C7orf57: variants seen among roughly 807,000 people sequenced by gnomAD.
The protein encoded by C7orf57 is chromosome 7 open reading frame 57.
Under a neutral mutation model 39.0 loss-of-function variants are expected in C7orf57, and 33 were observed. The observed-to-expected ratio is 0.85, with a 90% CI of 0.64 to 1.13. C7orf57 has a LOEUF of 1.13. Ranked by LOEUF, C7orf57 falls within the 50% of genes most tolerant of loss-of-function variation. C7orf57 has a pLI of 0.00. For missense variants in C7orf57, 346 were observed against 362.3 expected (o/e 0.95, Z 0.37); for synonymous variants, 124 against 137.1 (o/e 0.90, Z 0.67).
chr7:48,052,636 T>C, intron 6 of C7orf57, 64 bp from the exon 7 acceptor site: 1 of 1,405,950 alleles, frequency 7.1e-7, no homozygotes, highest in Non-Finnish European at 1.0e-6. Context: ...GTTCACGGAA[T>C]ACTGCTTCTG....
Position 48,043,247 on chromosome 7 carries a change from G to A in C7orf57, c.242-234G>A, listed in dbSNP as rs906025663. Among the ~76,000 whole-genome samples the A allele has an allele frequency of 2.6e-5, 4 of 152,256 alleles. No homozygotes were observed. The East Asian group carries it at 7.7e-4, about 29-fold the overall frequency. On this transcript the variant is annotated intron_variant, in intron 3 of 8. Coordinates refer to ENST00000348904, the MANE Select transcript of C7orf57 (RefSeq NM_001100159.3). ...AGCTCTGTCCAGATCTGCAAAGAGT[G>A]AGATGTGGGGAGGCATACAGGATGT...
At chr7:48,036,490 T>C (rs955622684) in intron 2 of C7orf57, 127 bp downstream of exon 2, 1 of 838,124 alleles carries the variant, frequency 1.2e-6, no homozygotes, top group South Asian at 1.9e-5. Flanking sequence ...GAGGACCAAG[T>C]GATAAAACTA....
chr7:48,058,441 G>A (rs1412963262), intron 8 of C7orf57, among the ~76,000 whole-genome samples: 1 of 151,616 alleles, frequency 6.6e-6, no homozygotes, highest in African/African-American at 2.4e-5. Context: ...TGGATTGTAT[G>A]ATTCTAGGAA....
In C7orf57 at chr7:48,035,755, C is replaced by G; in HGVS notation, c.-102+125C>G. ...TGGAGGGAGGGGACCACCTTGTCGC[C>G]GGGTTGGGATGAGCACAGGGCGGGA... On this transcript the variant is annotated intron_variant, in intron 1 of 8. Transcript: ENST00000348904. This position sits in a 1 kb window ranked among gnomAD's most constrained non-coding sequence, Gnocchi z 4.0. 5.2e-6 allele frequency: 3 copies of G among 582,318 alleles called. No homozygotes were observed. Among genetic ancestry groups the G allele is most frequent in the Non-Finnish European group, 6.1e-6 (2 of 329,094 alleles). 36.1% of individuals were successfully genotyped at this position (582,318 alleles called of 1,614,324 possible). A position where few individuals can be genotyped will look rare whatever the true frequency, so the allele number is the denominator to read the frequency against.
rs1005192167 is a variant in C7orf57 at position 48,043,312 on chromosome 7, T to C, written c.242-169T>C. 2.0e-5 allele frequency among the ~76,000 whole-genome samples: 3 copies of C among 152,204 alleles called. No homozygotes were observed. The South Asian group carries it at 6.2e-4, about 32-fold the overall frequency. On this transcript the variant is annotated intron_variant, in intron 3 of 8. Coordinates refer to ENST00000348904, the MANE Select transcript of C7orf57 (RefSeq NM_001100159.3). ...AAAGCAGGACGCCCACCTGTCAGCC[T>C]GTGCACAGACAGGTGAGGATCAGGG...
intron 4 of C7orf57, 117 bp from the exon 5 acceptor site, chr7:48,046,332 GAGACAGTGAGA>G: frequency 1.3e-6 from 1 of 782,024 alleles, no homozygotes; most frequent in East Asian, 2.8e-5. Context: ...GGAAAGGAGG[GAGACAGTGAGA>G]GAAGGAGGGA....
intron 8 of C7orf57, among the ~76,000 whole-genome samples, chr7:48,058,351 G>T (rs1056814893): frequency 6.8e-6 from 1 of 147,516 alleles, no homozygotes; most frequent in African/African-American, 2.5e-5. Context: ...TGGGAGAGTT[G>T]TTTTTTTTTT....
intron 2 of C7orf57, among the ~76,000 whole-genome samples, chr7:48,040,993 T>C (rs904059878): frequency 3.3e-5 from 5 of 152,206 alleles, no homozygotes; most frequent in African/African-American, 1.2e-4. Context: ...ACTGTTGTCT[T>C]ATTTTTATGG....
chr7:48,053,155 TTTTCTTTTATTTGTCAA>T, intron 7 of C7orf57: 1 of 628,816 alleles, frequency 1.6e-6, no homozygotes, highest in Non-Finnish European at 2.9e-6. Flanking sequence ...GGGTTTCACA[TTTTCTTTTATTTGTCAA>T]AAATTTTGAT....
In C7orf57 at chr7:48,060,940, A is replaced by G. The variant is rs1791272252; in HGVS notation, c.*668A>G. Reference sequence around the variant, plus strand: ...GTAGAATTAACAAAAACTTTTTAATAGTCAAACTGAATTACCTTGTTTTAT... The same window carrying G: ...GTAGAATTAACAAAAACTTTTTAATGGTCAAACTGAATTACCTTGTTTTAT... On this transcript the variant is annotated 3_prime_UTR_variant, in exon 9 of 9. Coordinates refer to ENST00000348904, the MANE Select transcript of C7orf57 (RefSeq NM_001100159.3). 6.6e-6 allele frequency: 1 copy of G among 152,178 alleles called. No homozygotes were observed. The highest frequency in any genetic ancestry group is 2.4e-5 in the African/African-American group (1 of 41,472). The allele number at this position is 152,178 out of a possible 1,614,324, so 9.4% of individuals were successfully genotyped here. A position where few individuals can be genotyped will look rare whatever the true frequency, so the allele number is the denominator to read the frequency against.
chr7:48,058,481 C>T (rs548958609), intron 8 of C7orf57, among the ~76,000 whole-genome samples: 105 of 152,126 alleles, frequency 6.9e-4, no homozygotes, highest in African/African-American at 2.3e-3. Flanking sequence ...CTATCCAATT[C>T]GTTGGTGTAT....
chr7:48,046,672 G>A (rs145223213), intron 5 of C7orf57, 56 bp downstream of exon 5: 31 of 1,554,968 alleles, frequency 2.0e-5, no homozygotes, highest in Non-Finnish European at 2.6e-5. Context: ...CTGTGGTCTC[G>A]AGTAATTAAG....
Position 48,036,316 on chromosome 7 carries a change from A to G in C7orf57, c.8A>G (p.Asn3Ser). ...AGCGTGCAGCGCCTGACCATGAGGAACACAAGCAAGGAACTTCAGGGCGCC... is the reference window on the plus strand; with the variant it reads ...AGCGTGCAGCGCCTGACCATGAGGAGCACAAGCAAGGAACTTCAGGGCGCC... MR[N>S]TSKELQGATH... is the part of the protein sequence containing the mutation. Residue 3 changes from asparagine to serine, a missense_variant, in exon 2 of 9, where the codon AAC (asparagine) becomes AGC (serine). Transcript: ENST00000348904. 1 of 1,589,042 alleles carries G rather than the reference A, an allele frequency of 6.3e-7. No homozygotes were observed. The highest frequency in any genetic ancestry group is 8.6e-7 in the Non-Finnish European group (1 of 1,168,032).
In C7orf57 at chr7:48,043,445, G is replaced by A. The variant is rs374833015; in HGVS notation, c.242-36G>A. 8 of 1,517,208 alleles carry A rather than the reference G, an allele frequency of 5.3e-6. No individual in the cohort carries two copies. The African/African-American group carries it at 5.5e-5, about 10-fold the overall frequency. The allele number at this position is 1,517,208 out of a possible 1,614,324, so 94.0% of individuals were successfully genotyped here. A position where few individuals can be genotyped will look rare whatever the true frequency, so the allele number is the denominator to read the frequency against. ...TGCTGTGCGTCTGTGTAGGGGCGGC[G>A]GGGTGTCTCACAGCCATGTCATTTT... On this transcript the variant is annotated intron_variant, in intron 3 of 8. Coordinates refer to ENST00000348904, the MANE Select transcript of C7orf57 (RefSeq NM_001100159.3).
Position 48,060,418 on chromosome 7 carries a change from C to T in C7orf57, c.*146C>T. On this transcript the variant is annotated 3_prime_UTR_variant, in exon 9 of 9. Coordinates refer to ENST00000348904, the MANE Select transcript of C7orf57 (RefSeq NM_001100159.3). ...TTACCTTGCAGCAGATTTGACATTG[C>T]TGCATAGAAGGGGCAGGTGTTGGTT... is the stretch of plus-strand genomic sequence containing the variant. 1.9e-6 allele frequency: 1 copy of T among 535,360 alleles called. No individual in the cohort carries two copies. Among genetic ancestry groups the T allele is most frequent in the Non-Finnish European group, 3.3e-6 (1 of 301,460 alleles). 33.2% of individuals were successfully genotyped at this position (535,360 alleles called of 1,614,324 possible). A position where few individuals can be genotyped will look rare whatever the true frequency, so the allele number is the denominator to read the frequency against.
chr7:48,049,106 C>T (rs1165421129), intron 5 of C7orf57, among the ~76,000 whole-genome samples: 1 of 152,160 alleles, frequency 6.6e-6, no homozygotes, highest in Non-Finnish European at 1.5e-5. Flanking sequence ...ATGAACTTCT[C>T]CACACACATA....
In C7orf57 at chr7:48,037,768, T is replaced by TGTGTGTGC. The variant is rs977066344; in HGVS notation, c.55+1406_55+1407insTGTGTGCG. ...AACCCTCTGTGTGTGTGTGTGTGTGTGCGCGCGCGTGCGTGTGTGTGAGGT... is the reference window on the plus strand; with the variant it reads ...AACCCTCTGTGTGTGTGTGTGTGTGTGTGTGTGCGCGCGCGCGTGCGTGTGTGTGAGGT... On this transcript the variant is annotated intron_variant, in intron 2 of 8. Coordinates refer to ENST00000348904, the MANE Select transcript of C7orf57 (RefSeq NM_001100159.3). Among the ~76,000 whole-genome samples, 52 of 150,440 alleles carry TGTGTGTGC rather than the reference T, an allele frequency of 3.5e-4. No individual in the cohort carries two copies. In the South Asian group the frequency reaches 4.2e-3, roughly 12 times the overall value.
intron 4 of C7orf57, 123 bp from the exon 5 acceptor site, chr7:48,046,337 A>G: frequency 1.2e-6 from 1 of 818,916 alleles, no homozygotes. Flanking sequence ...GGAGGGAGAC[A>G]GTGAGAGAAG....
intron 4 of C7orf57, among the ~76,000 whole-genome samples, chr7:48,044,275 G>A (rs1016276096): frequency 2.4e-4 from 37 of 152,252 alleles, no homozygotes; most frequent in Non-Finnish European, 2.9e-4. Flanking sequence ...CTCAGCTCAA[G>A]CCGGAACAAA....
Sources: gnomAD v4.1 joint callset for allele counts (sites outside exome capture counted in the v4.1 genomes callset) on GRCh38, gnomAD v4.1.1 for gene constraint, Gnocchi (gnomAD v3.1) non-coding constraint, MANE v1.5 for transcripts, NCBI Gene and HGNC (gene_info 2026-07-23, HGNC 2026-07-21) for gene names.